PUM1: variants seen among roughly 807,000 people sequenced by gnomAD.
PUM1 encodes pumilio homolog 1.
PUM1 carries 13 observed loss-of-function variants against 131.8 expected under a neutral mutation model. The ratio of observed to expected loss-of-function variants is 0.10; its 90% CI spans 0.06 to 0.16. PUM1 has a LOEUF of 0.16. Ranked by LOEUF, PUM1 falls within the 10% of genes least tolerant of loss-of-function variation. The probability of loss-of-function intolerance (pLI) is 1.00; values close to 1 mark genes in which losing one functional copy is unlikely to be tolerated. For missense variants in PUM1, 961 were observed against 1,512.4 expected (o/e 0.64, Z 6.05); for synonymous variants, 509 against 556.5 (o/e 0.91, Z 1.20).
intron 3 of PUM1, among the ~76,000 whole-genome samples, chr1:31,015,102 C>A (rs544130994): frequency 6.6e-6 from 1 of 152,244 alleles, no homozygotes; most frequent in Non-Finnish European, 1.5e-5. Context: ...CATGTAAAGA[C>A]TGCTTCTCCT....
intron 2 of PUM1, among the ~76,000 whole-genome samples, chr1:31,050,067 G>A (rs1435662575): frequency 6.6e-6 from 1 of 151,972 alleles, no homozygotes; most frequent in African/African-American, 2.4e-5. Context: ...CTGACCTCAG[G>A]TGATCCGCCC....
chr1:31,040,548 A>G (rs576759837), intron 2 of PUM1, among the ~76,000 whole-genome samples: 6 of 152,316 alleles, frequency 3.9e-5, no homozygotes, highest in African/African-American at 1.4e-4. Flanking sequence ...GGGTATTCAC[A>G]AAACTACAAA....
chr1:31,028,052 C>T (rs915045056), intron 3 of PUM1, among the ~76,000 whole-genome samples: 6 of 152,118 alleles, frequency 3.9e-5, no homozygotes, highest in Non-Finnish European at 7.3e-5. Flanking sequence ...TATATTCTAC[C>T]TTTGTCATCA....
At chr1:31,054,602 A>T (rs1282684321) in intron 2 of PUM1, among the ~76,000 whole-genome samples, 1 of 151,244 alleles carries the variant, frequency 6.6e-6, no homozygotes, top group Non-Finnish European at 1.5e-5. Flanking sequence ...GGATCACTTT[A>T]TATTGAGTCA....
At chr1:30,950,785 C>T (rs968882346) in intron 16 of PUM1, among the ~76,000 whole-genome samples, 1 of 152,214 alleles carries the variant, frequency 6.6e-6, no homozygotes, top group Non-Finnish European at 1.5e-5. Flanking sequence ...CGCTTGAACC[C>T]AGGCGGCAGA....
At chr1:30,996,019 T>C (rs1018695306) in intron 5 of PUM1, among the ~76,000 whole-genome samples, 2 of 152,212 alleles carry the variant, frequency 1.3e-5, no homozygotes, top group Non-Finnish European at 2.9e-5. Flanking sequence ...CTCTCTGAAG[T>C]GTCTATCTCC....
intron 3 of PUM1, among the ~76,000 whole-genome samples, chr1:31,015,197 C>A (rs1642766924): frequency 2.6e-5 from 4 of 152,162 alleles, no homozygotes; most frequent in Admixed American, 2.6e-4. Context: ...TTGTGGATTA[C>A]TTAATTCAAA....
rs1553150214 is a variant in PUM1, at chr1:31,009,782, A to AACAAAAAAC, written c.433-2681_433-2680insGTTTTTTGT. 3.2e-3 allele frequency among the ~76,000 whole-genome samples: 404 copies of AACAAAAAAC among 125,358 alleles called. 4 individuals are homozygous for AACAAAAAAC. The highest frequency in any genetic ancestry group is 0.013 in the African/African-American group (381 of 30,408). The allele number at this position is 125,358 out of a possible 152,430, so 82.2% of individuals were successfully genotyped here. A position where few individuals can be genotyped will look rare whatever the true frequency, so the allele number is the denominator to read the frequency against. On this transcript the variant is annotated intron_variant, in intron 3 of 21. Transcript: ENST00000426105. ...GACTCTGTCTCAAAAAAAAAAAAAA[A>AACAAAAAAC]AAAAACAAAAACAGAAACAAAAAAA... is the stretch of plus-strand genomic sequence containing the variant.
At chr1:30,972,845 C>T (rs907025841) in intron 10 of PUM1, among the ~76,000 whole-genome samples, 2 of 151,552 alleles carry the variant, frequency 1.3e-5, no homozygotes, top group African/African-American at 4.9e-5. Flanking sequence ...TTTGGGAGGC[C>T]GAGACGGGTG....
At chr1:30,968,697 C>T (rs1029515710) in intron 10 of PUM1, among the ~76,000 whole-genome samples, 9 of 152,176 alleles carry the variant, frequency 5.9e-5, no homozygotes, top group Non-Finnish European at 1.0e-4. Context: ...ACTTTAAACA[C>T]ATTATCTCTA....
intron 2 of PUM1, among the ~76,000 whole-genome samples, chr1:31,058,281 T>C (rs908013864): frequency 2.6e-5 from 4 of 152,102 alleles, no homozygotes; most frequent in African/African-American, 7.2e-5. Context: ...GATTCAAAAA[T>C]ATGTATCTAT....
chr1:30,972,490 T>C (rs1287423902), intron 10 of PUM1, among the ~76,000 whole-genome samples: 1 of 130,988 alleles, frequency 7.6e-6, no homozygotes, highest in Non-Finnish European at 1.6e-5. Flanking sequence ...ATTTATTTAA[T>C]AGGCCAGGCA....
intron 3 of PUM1, among the ~76,000 whole-genome samples, chr1:31,026,414 A>G (rs966779554): frequency 1.2e-4 from 18 of 152,192 alleles, no homozygotes; most frequent in Non-Finnish European, 1.6e-4. Context: ...CTCCTCCATT[A>G]AAGTCTAACT....
At chr1:30,991,100 G>A (rs1238797703) in intron 7 of PUM1, among the ~76,000 whole-genome samples, 2 of 151,634 alleles carry the variant, frequency 1.3e-5, no homozygotes, top group African/African-American at 4.9e-5. Context: ...ATATATTTTT[G>A]TTCATAAGAA....
chr1:31,025,280 G>A (rs531455757), intron 3 of PUM1, among the ~76,000 whole-genome samples: 1 of 152,098 alleles, frequency 6.6e-6, no homozygotes, highest in Admixed American at 6.5e-5. Flanking sequence ...AGAAAAAAAC[G>A]TAACAAGAGT....
intron 2 of PUM1, among the ~76,000 whole-genome samples, chr1:31,049,823 CTTTTTTTTTTTTTTTT>C (rs773718125): frequency 1.3e-5 from 1 of 79,970 alleles, no homozygotes; most frequent in Admixed American, 1.9e-4. Flanking sequence ...ACTGAACTTC[CTTTTTTTTTTTTTTTT>C]TTTTTTTTGA....
At chr1:31,029,918 A>C (rs1367756707) in intron 2 of PUM1, among the ~76,000 whole-genome samples, 1 of 133,506 alleles carries the variant, frequency 7.5e-6, no homozygotes, top group Admixed American at 7.3e-5. Flanking sequence ...TTTTTCAAAA[A>C]AAAAAAAAAA....
In PUM1 at chr1:30,933,177, C is replaced by G. The variant is rs1373719594; in HGVS notation, c.*34G>C. On this transcript the variant is annotated 3_prime_UTR_variant, in exon 22 of 22. Transcript: ENST00000426105. ...GGATTTGCCAGTGGGCCAGTGAGGT[C>G]AGCGGGAATGAGGGAACAGCGGGTG... 10 of 1,592,298 alleles carry G rather than the reference C, an allele frequency of 6.3e-6. No individual in the cohort carries two copies. Among genetic ancestry groups the G allele is most frequent in the Non-Finnish European group, 8.6e-6 (10 of 1,168,652 alleles).
intron 3 of PUM1, among the ~76,000 whole-genome samples, chr1:31,028,581 G>A (rs1170783946): frequency 6.6e-6 from 1 of 152,108 alleles, no homozygotes; most frequent in African/African-American, 2.4e-5. Context: ...TGGCTACTTT[G>A]TTTTGCTTTT....
Sources: allele counts gnomAD v4.1 joint callset (sites outside exome capture counted in the v4.1 genomes callset), GRCh38; gene constraint gnomAD v4.1.1; transcripts MANE v1.5; gene names NCBI Gene and HGNC (gene_info 2026-07-23, HGNC 2026-07-21).